LRRC72: variants seen among roughly 807,000 people sequenced by gnomAD.
LRRC72 encodes leucine rich repeat containing 72, also known as leucine-rich repeat-containing protein 72.
In LRRC72, 41 loss-of-function variants were observed where a neutral mutation model predicts 35.8. The observed-to-expected ratio is 1.15, with a 90% CI of 0.89 to 1.49. The LOEUF is 1.49. Ranked by LOEUF, LRRC72 falls within the 40% of genes most tolerant of loss-of-function variation. The pLI is 0.00. For synonymous variants in LRRC72, 118 were observed against 119.2 expected (o/e 0.99, Z 0.07); for missense variants, 389 against 330.7 (o/e 1.18, Z -1.37).
At chr7:16,530,597 A>G (rs1464413119) in intron 1 of LRRC72, 1 of 152,250 alleles carries the variant, frequency 6.6e-6, no homozygotes, top group Non-Finnish European at 1.5e-5. Context: ...ACTTCACAGT[A>G]TTCCATTGTG....
At chr7:16,553,358 C>A (rs1434839902) in intron 3 of LRRC72, among the ~76,000 whole-genome samples, 1 of 152,184 alleles carries the variant, frequency 6.6e-6, no homozygotes, top group Non-Finnish European at 1.5e-5. Flanking sequence ...TACTTATGAT[C>A]TCTGGATCTC....
chr7:16,545,829 T>A (rs1253992291), intron 3 of LRRC72, among the ~76,000 whole-genome samples: 16 of 152,166 alleles, frequency 1.1e-4, no homozygotes, highest in Non-Finnish European at 2.9e-5. Flanking sequence ...TATCTAGTTA[T>A]GTTTTTAATG....
Position 16,526,880 on chromosome 7 carries a change from C to A in LRRC72, c.-73C>A, listed in dbSNP as rs990553107. On this transcript the variant is annotated 5_prime_UTR_variant, in exon 1 of 9. Coordinates refer to ENST00000401542, the MANE Select transcript of LRRC72 (RefSeq NM_001195280.2). ...CAGAACAACGAGCTGTGCACCAAGC[C>A]AAGTCTCTCTTCGGTGCCACCGGCG... 1 of 1,230,050 alleles carries A rather than the reference C, an allele frequency of 8.1e-7. No homozygotes were observed. The highest frequency in any genetic ancestry group is 1.2e-6 in the Non-Finnish European group (1 of 867,942). The allele number at this position is 1,230,050 out of a possible 1,614,324, so 76.2% of individuals were successfully genotyped here.
At chr7:16,539,872 T>C (rs932491523) in intron 3 of LRRC72, among the ~76,000 whole-genome samples, 1 of 152,166 alleles carries the variant, frequency 6.6e-6, no homozygotes. Context: ...TCAGAGGATA[T>C]ATGGAAATGC....
intron 8 of LRRC72, among the ~76,000 whole-genome samples, chr7:16,580,440 C>T (rs1278952107): frequency 2.6e-5 from 4 of 152,080 alleles, no homozygotes; most frequent in South Asian, 2.1e-4. Flanking sequence ...GTCAGGAGTT[C>T]GAGACCAGCC....
chr7:16,569,334 G>T (rs1476115956), intron 7 of LRRC72, among the ~76,000 whole-genome samples: 2 of 152,084 alleles, frequency 1.3e-5, no homozygotes, highest in Non-Finnish European at 2.9e-5. Context: ...GCTGAGGCAG[G>T]AGAATCACTT....
intron 5 of LRRC72, among the ~76,000 whole-genome samples, chr7:16,565,126 T>C (rs1157107813): frequency 6.6e-6 from 1 of 152,132 alleles, no homozygotes; most frequent in African/African-American, 2.4e-5. Context: ...AGAAATTGCA[T>C]GTAGGTAGGT....
At chr7:16,534,496 C>G (rs1268091791) in intron 2 of LRRC72, among the ~76,000 whole-genome samples, 2 of 151,942 alleles carry the variant, frequency 1.3e-5, no homozygotes, top group Non-Finnish European at 2.9e-5. Flanking sequence ...ATTACCTAAT[C>G]AATGAAAATT....
chr7:16,572,174 C>T (rs61371140), intron 7 of LRRC72, among the ~76,000 whole-genome samples: 31,192 of 152,142 alleles, frequency 0.21, 3,396 homozygotes, highest in East Asian at 0.3. Flanking sequence ...AATAGCCTGC[C>T]AACCACAAAA....
At chr7:16,565,802 C>G (rs1164450277) in intron 5 of LRRC72, among the ~76,000 whole-genome samples, 4 of 152,182 alleles carry the variant, frequency 2.6e-5, no homozygotes, top group Non-Finnish European at 5.9e-5. Flanking sequence ...AGATCTGAAG[C>G]TACTATTGAC....
chr7:16,540,068 A>G (rs950830132), intron 3 of LRRC72, among the ~76,000 whole-genome samples: 6 of 152,146 alleles, frequency 3.9e-5, no homozygotes, highest in Admixed American at 3.9e-4. Context: ...TTCACCGACA[A>G]CTTGCACCAT....
In LRRC72 at chr7:16,526,918, T is replaced by G. The variant is rs1489436375; in HGVS notation, c.-35T>G. On this transcript the variant is annotated 5_prime_UTR_variant, in exon 1 of 9. Transcript: ENST00000401542. ...GGTGCCACCGGCGGGCGAGGCCGGA[T>G]TAATCACCGCTGCTTCGGCCGCCCA... is the stretch of plus-strand genomic sequence containing the variant. The G allele has an allele frequency of 6.6e-7, 1 of 1,516,300 alleles. No individual in the cohort carries two copies. The highest frequency in any genetic ancestry group is 2.5e-5 in the East Asian group (1 of 40,754). The allele number at this position is 1,516,300 out of a possible 1,614,324, so 93.9% of individuals were successfully genotyped here.
At chr7:16,536,057 G>C (rs1782251817) in intron 2 of LRRC72, among the ~76,000 whole-genome samples, 1 of 152,118 alleles carries the variant, frequency 6.6e-6, no homozygotes, top group Admixed American at 6.6e-5. Context: ...ATTTTTAGTA[G>C]AGACGGGGTT....
intron 7 of LRRC72, among the ~76,000 whole-genome samples, chr7:16,578,610 T>C (rs1388586412): frequency 6.6e-6 from 1 of 152,260 alleles, no homozygotes; most frequent in Non-Finnish European, 1.5e-5. Flanking sequence ...TATACATGTA[T>C]GTGTGTGAGT....
chr7:16,558,880 T>G lies in LRRC72; in HGVS notation c.317-9T>G, dbSNP rs773665142. 8 of 1,378,402 alleles carry G rather than the reference T, an allele frequency of 5.8e-6. 1 individual carries two copies. In the South Asian group the frequency reaches 1.4e-4, roughly 25 times the overall value. 85.4% of individuals were successfully genotyped at this position (1,378,402 alleles called of 1,614,324 possible). A position where few individuals can be genotyped will look rare whatever the true frequency, so the allele number is the denominator to read the frequency against. ...TTAAAATCTTGTAAAAATATTCTGT[T>G]TTTTTTAGGTCTGCATTATTTGCCT... On this transcript the variant is annotated splice_polypyrimidine_tract_variant and intron_variant, in intron 4 of 8. Coordinates refer to ENST00000401542, the MANE Select transcript of LRRC72 (RefSeq NM_001195280.2).
chr7:16,539,503 C>T (rs1234817113), intron 3 of LRRC72, among the ~76,000 whole-genome samples: 1 of 152,114 alleles, frequency 6.6e-6, no homozygotes, highest in African/African-American at 2.4e-5. Context: ...GCAGCCTGAC[C>T]ATTAGGTAAA....
intron 2 of LRRC72, 69 bp from the exon 3 acceptor site, chr7:16,537,558 C>A (rs375398627): frequency 1.1e-6 from 1 of 927,692 alleles, no homozygotes; most frequent in Non-Finnish European, 1.6e-6. Flanking sequence ...GCCATACTAA[C>A]TACATGCCCA....
At chr7:16,557,012 T>C (rs1205027776) in intron 3 of LRRC72, among the ~76,000 whole-genome samples, 1 of 152,138 alleles carries the variant, frequency 6.6e-6, no homozygotes, top group Non-Finnish European at 1.5e-5. Flanking sequence ...TATGTGGTGC[T>C]GGATCTAGTG....
At chr7:16,553,136 T>A (rs1782585734) in intron 3 of LRRC72, among the ~76,000 whole-genome samples, 1 of 152,326 alleles carries the variant, frequency 6.6e-6, no homozygotes, top group South Asian at 2.1e-4. Flanking sequence ...TTTGGGGCTA[T>A]TGTTGAAATA....
Sources: allele counts gnomAD v4.1 joint callset (sites outside exome capture counted in the v4.1 genomes callset), GRCh38; gene constraint gnomAD v4.1.1; transcripts MANE v1.5; gene names NCBI Gene and HGNC (gene_info 2026-07-23, HGNC 2026-07-21).